The following TRIM9 variants were observed in gnomAD, a reference collection of about 807,000 sequenced individuals.
TRIM9 encodes tripartite motif containing 9, also known as E3 ubiquitin-protein ligase TRIM9.
In TRIM9, 26 loss-of-function variants were observed where a neutral mutation model predicts 78.3. The ratio of observed to expected loss-of-function variants is 0.33; its 90% CI spans 0.24 to 0.46. TRIM9 has a LOEUF of 0.46. Ranked by LOEUF, TRIM9 falls within the 20% of genes least tolerant of loss-of-function variation. The pLI is 1.00. For synonymous variants in TRIM9, 398 were observed against 416.5 expected (o/e 0.96, Z 0.54); for missense variants, 787 against 1,036.4 (o/e 0.76, Z 3.30).
intron 5 of TRIM9, among the ~76,000 whole-genome samples, chr14:51,001,587 C>A (rs1281218723): frequency 6.6e-6 from 1 of 152,144 alleles, no homozygotes; most frequent in African/African-American, 2.4e-5. Flanking sequence ...AGTTAATAAA[C>A]CAGAGACTGC....
At chr14:51,037,878 A>G (rs2059287434) in intron 1 of TRIM9, among the ~76,000 whole-genome samples, 1 of 152,106 alleles carries the variant, frequency 6.6e-6, no homozygotes, top group Non-Finnish European at 1.5e-5. Flanking sequence ...TTACATGTAC[A>G]CCATTAAGCA....
chr14:51,087,019 G>C (rs370491659), intron 1 of TRIM9, among the ~76,000 whole-genome samples: 2 of 152,096 alleles, frequency 1.3e-5, no homozygotes, highest in Non-Finnish European at 2.9e-5. Flanking sequence ...CAGCTGGGGT[G>C]GGGGGAGGTG....
At chr14:51,023,945 C>A (rs1003088157) in intron 2 of TRIM9, among the ~76,000 whole-genome samples, 2 of 152,242 alleles carry the variant, frequency 1.3e-5, no homozygotes, top group East Asian at 1.9e-4. Flanking sequence ...AGAACTGTGT[C>A]TTTTTATATA....
rs2056230630 is a variant in TRIM9 at position 51,009,070 on chromosome 14, A to G, written c.1306+10T>C. 6.2e-7 allele frequency: 1 copy of G among 1,613,344 alleles called. No individual in the cohort carries two copies. Among genetic ancestry groups the G allele is most frequent in the Admixed American group, 1.7e-5 (1 of 59,980 alleles). Reference sequence around the variant, plus strand: ...TGTTGCTCTCTGACTTGGGGGATGCAAGGACATACCTTTCACTTGCACGAA... The same window carrying G: ...TGTTGCTCTCTGACTTGGGGGATGCGAGGACATACCTTTCACTTGCACGAA... On this transcript the variant is annotated intron_variant, in intron 5 of 12. Transcript: ENST00000684578.
chr14:51,030,803 T>C (rs917288390), intron 1 of TRIM9, among the ~76,000 whole-genome samples: 1 of 152,050 alleles, frequency 6.6e-6, no homozygotes, highest in Non-Finnish European at 1.5e-5. Context: ...AGGAATCTTA[T>C]GGGTAGGGAT....
At chr14:50,994,333 G>A (rs2053922333) in intron 7 of TRIM9, among the ~76,000 whole-genome samples, 1 of 152,182 alleles carries the variant, frequency 6.6e-6, no homozygotes, top group Non-Finnish European at 1.5e-5. Context: ...CTTGAGCCCA[G>A]GTGTAGGAGG....
chr14:51,062,853 G>C (rs944476090), intron 1 of TRIM9, among the ~76,000 whole-genome samples: 2 of 152,208 alleles, frequency 1.3e-5, no homozygotes, highest in Non-Finnish European at 2.9e-5. Flanking sequence ...GCCAAGTGAA[G>C]AGGAGTTAGA....
intron 3 of TRIM9, among the ~76,000 whole-genome samples, chr14:51,020,771 C>T (rs2057682838): frequency 6.6e-6 from 1 of 152,216 alleles, no homozygotes; most frequent in Admixed American, 6.5e-5. Flanking sequence ...TTCTGCCATT[C>T]TTTGATAGGG....
intron 1 of TRIM9, among the ~76,000 whole-genome samples, chr14:51,083,230 T>C (rs1451409634): frequency 6.6e-6 from 1 of 152,180 alleles, no homozygotes; most frequent in Admixed American, 6.5e-5. Flanking sequence ...AGTAGTTTAT[T>C]TGAAATCCTT....
At chr14:51,029,410 C>T (rs2058539271) in intron 1 of TRIM9, among the ~76,000 whole-genome samples, 1 of 152,262 alleles carries the variant, frequency 6.6e-6, no homozygotes, top group African/African-American at 2.4e-5. Context: ...CACCACTGGG[C>T]CCAGGAGCCA....
chr14:51,010,128 G>GC (rs1435716468), intron 4 of TRIM9, among the ~76,000 whole-genome samples: 3 of 52,750 alleles, frequency 5.7e-5, no homozygotes, highest in Admixed American at 1.3e-4. Flanking sequence ...AGAAAAAGAA[G>GC]CGAAAAAAAA....
chr14:51,037,997 G>A (rs2139945988), intron 1 of TRIM9, among the ~76,000 whole-genome samples: 1 of 152,332 alleles, frequency 6.6e-6, no homozygotes, highest in East Asian at 1.9e-4. Flanking sequence ...TCTCCTGCAT[G>A]TGAATTCTGC....
chr14:51,079,034 G>A (rs768290408), intron 1 of TRIM9, among the ~76,000 whole-genome samples: 4 of 152,182 alleles, frequency 2.6e-5, no homozygotes, highest in Non-Finnish European at 5.9e-5. Context: ...TTATTTTAAA[G>A]TAAAATAAAA....
intron 1 of TRIM9, among the ~76,000 whole-genome samples, chr14:51,070,127 G>A (rs2062090344): frequency 6.6e-6 from 1 of 152,132 alleles, no homozygotes. Context: ...TGCATTTGCT[G>A]TTTAAATGGC....
chr14:51,008,538 A>T (rs565018973), intron 5 of TRIM9, among the ~76,000 whole-genome samples: 3 of 152,290 alleles, frequency 2.0e-5, no homozygotes, highest in African/African-American at 7.2e-5. Flanking sequence ...AGAATCTCAA[A>T]GAGACCTTGC....
At chr14:51,015,053 T>A (rs959669731) in intron 3 of TRIM9, among the ~76,000 whole-genome samples, 2 of 152,238 alleles carry the variant, frequency 1.3e-5, no homozygotes, top group Admixed American at 1.3e-4. Context: ...GGAGCCACCA[T>A]CTGTTCTGGA....
At chr14:51,064,532 A>G (rs2061592617) in intron 1 of TRIM9, among the ~76,000 whole-genome samples, 1 of 152,036 alleles carries the variant, frequency 6.6e-6, no homozygotes, top group Non-Finnish European at 1.5e-5. Flanking sequence ...AGGAAAGGAT[A>G]TAATAAAGAC....
At chr14:51,019,571 G>A (rs1355603558) in intron 3 of TRIM9, among the ~76,000 whole-genome samples, 2 of 152,158 alleles carry the variant, frequency 1.3e-5, no homozygotes, top group East Asian at 1.9e-4. Flanking sequence ...ACCAGTGTAT[G>A]AGCTAATTCT....
At chr14:50,978,797 C>A in intron 12 of TRIM9, 2 of 662,204 alleles carry the variant, frequency 3.0e-6, no homozygotes, top group Non-Finnish European at 3.7e-6. Context: ...ATCCCAGACA[C>A]TTATAACTGT....
Sources: allele counts gnomAD v4.1 joint callset (sites outside exome capture counted in the v4.1 genomes callset), GRCh38; gene constraint gnomAD v4.1.1; transcripts MANE v1.5; gene names NCBI Gene and HGNC (gene_info 2026-07-23, HGNC 2026-07-21).